DDAH1: variants seen among roughly 807,000 people sequenced by gnomAD.
The protein encoded by DDAH1 is N(G),N(G)-dimethylarginine dimethylaminohydrolase 1.
In DDAH1, 19 loss-of-function variants were observed where a neutral mutation model predicts 28.8. The ratio of observed to expected loss-of-function variants is 0.66; its 90% CI spans 0.46 to 0.97. DDAH1 has a LOEUF of 0.97. DDAH1 is among the 50% of genes least tolerant of loss of function. The pLI is 0.00. For missense variants in DDAH1, 326 were observed against 375.9 expected (o/e 0.87, Z 1.10); for synonymous variants, 153 against 154.4 (o/e 0.99, Z 0.07).
At chr1:85,475,124 T>C (rs1272406493) in intron 2 of DDAH1, among the ~76,000 whole-genome samples, 1 of 152,270 alleles carries the variant, frequency 6.6e-6, no homozygotes, top group Non-Finnish European at 1.5e-5. Context: ...GCTCAAATGC[T>C]GGCTCCACTA....
At chr1:85,343,910 A>G (rs1570404043) in intron 4 of DDAH1, among the ~76,000 whole-genome samples, 1 of 152,206 alleles carries the variant, frequency 6.6e-6, no homozygotes, top group Non-Finnish European at 1.5e-5. Flanking sequence ...AGTGATCTCT[A>G]TTATATAGTT....
chr1:85,374,772 T>C (rs1350399803), intron 1 of DDAH1, among the ~76,000 whole-genome samples: 4 of 152,198 alleles, frequency 2.6e-5, no homozygotes, highest in African/African-American at 4.8e-5. Flanking sequence ...GAACACAGGG[T>C]ACTATTATAA....
chr1:85,331,965 G>A (rs193235204), intron 4 of DDAH1, among the ~76,000 whole-genome samples: 2 of 152,326 alleles, frequency 1.3e-5, no homozygotes, highest in Admixed American at 1.3e-4. Context: ...TCCCTAGTGA[G>A]AGGAAAGGGT....
chr1:85,460,816 C>G (rs1270858219), intron 1 of DDAH1, among the ~76,000 whole-genome samples: 1 of 152,150 alleles, frequency 6.6e-6, no homozygotes, highest in South Asian at 2.1e-4. Flanking sequence ...CACTGCATAT[C>G]CTTTTGTACC....
intron 1 of DDAH1, among the ~76,000 whole-genome samples, chr1:85,429,287 T>TA (rs1399764200): frequency 6.6e-6 from 1 of 152,072 alleles, no homozygotes; most frequent in Non-Finnish European, 1.5e-5. Context: ...GTTCCTGTGT[T>TA]AGTTTGCTGA....
At chr1:85,379,655 C>T in intron 1 of DDAH1, 1 of 985,386 alleles carries the variant, frequency 1.0e-6, no homozygotes, top group African/African-American at 1.7e-5. Context: ...GTTCACTGTT[C>T]TCTTCTTTTC....
chr1:85,488,729 A>G (rs1413419869), intron 2 of DDAH1, among the ~76,000 whole-genome samples: 1 of 152,140 alleles, frequency 6.6e-6, no homozygotes, highest in East Asian at 1.9e-4. Flanking sequence ...TTTTTTGCTA[A>G]TAGGATCTGC....
At chr1:85,572,879 T>C (rs1659500300) in intron 1 of DDAH1, among the ~76,000 whole-genome samples, 1 of 152,274 alleles carries the variant, frequency 6.6e-6, no homozygotes. Context: ...TAGTCACTGG[T>C]GTCTCAGTGC....
intron 1 of DDAH1, among the ~76,000 whole-genome samples, chr1:85,370,136 C>T (rs1336179651): frequency 6.6e-6 from 1 of 152,080 alleles, no homozygotes. Flanking sequence ...AAAATGAGGT[C>T]ATTAGGATGG....
chr1:85,575,025 A>G (rs72726326), intron 1 of DDAH1, among the ~76,000 whole-genome samples: 12,576 of 152,136 alleles, frequency 0.083, 617 homozygotes, highest in Admixed American at 0.11. Context: ...AGATCGCTTG[A>G]GCCCAGGAGT....
At position 85,554,126 on chromosome 1, in the gene DDAH1, C is replaced by T. The variant is rs529943082; in HGVS notation, c.-123+23858G>A. 3.3e-5 allele frequency among the ~76,000 whole-genome samples: 5 copies of T among 152,256 alleles called. No individual in the cohort carries two copies. The South Asian group carries it at 8.3e-4, about 25-fold the overall frequency. On this transcript the variant is annotated intron_variant, in intron 1 of 6. Coordinates refer to the DDAH1 transcript ENST00000426972. ...CTTTTGAGCACTAAATGGAACATTCCTCTTTTCTGAGTTCACAATAGCTTC... is the reference window on the plus strand; with the variant it reads ...CTTTTGAGCACTAAATGGAACATTCTTCTTTTCTGAGTTCACAATAGCTTC...
At chr1:85,457,390 T>C (rs1274411589) in intron 1 of DDAH1, among the ~76,000 whole-genome samples, 1 of 151,958 alleles carries the variant, frequency 6.6e-6, no homozygotes, top group Non-Finnish European at 1.5e-5. Flanking sequence ...TGGGCTGAGG[T>C]CTGTCATAAA....
chr1:85,474,210 C>A (rs1298845997), intron 2 of DDAH1, among the ~76,000 whole-genome samples: 1 of 152,228 alleles, frequency 6.6e-6, no homozygotes, highest in African/African-American at 2.4e-5. Context: ...CACTCTGCTA[C>A]CACTTAGTCC....
intron 1 of DDAH1, among the ~76,000 whole-genome samples, chr1:85,367,703 G>A (rs1469140307): frequency 6.6e-6 from 1 of 152,138 alleles, no homozygotes; most frequent in Non-Finnish European, 1.5e-5. Flanking sequence ...CTGTTGAGAG[G>A]TTCCTGGAGC....
chr1:85,350,338 C>A, intron 4 of DDAH1, 77 bp downstream of exon 4: 1 of 1,551,502 alleles, frequency 6.4e-7, no homozygotes. Flanking sequence ...CTTGTTACTC[C>A]CCCAGCAGAG....
chr1:85,573,744 A>C (rs1570687477), intron 1 of DDAH1, among the ~76,000 whole-genome samples: 1 of 152,384 alleles, frequency 6.6e-6, no homozygotes, highest in East Asian at 1.9e-4. Context: ...ATGAAGTAGA[A>C]AATTTGTAAA....
At chr1:85,470,080 C>G (rs180978015), upstream of DDAH1, among the ~76,000 whole-genome samples, 2 of 152,292 alleles carry the variant, frequency 1.3e-5, no homozygotes, top group Admixed American at 1.3e-4. Flanking sequence ...TTTTCTTACT[C>G]CATTTTAGCA....
chr1:85,419,037 A>C (rs1653012829), intron 1 of DDAH1, among the ~76,000 whole-genome samples: 1 of 152,274 alleles, frequency 6.6e-6, no homozygotes, highest in East Asian at 1.9e-4. Flanking sequence ...TGGACAAATC[A>C]GTTAAGTAGG....
chr1:85,563,997 C>A (rs1659212733), intron 1 of DDAH1, among the ~76,000 whole-genome samples: 1 of 152,122 alleles, frequency 6.6e-6, no homozygotes, highest in East Asian at 1.9e-4. Flanking sequence ...CATGGTGAAA[C>A]CCCGTCTCTA....
Sources: gnomAD v4.1 joint callset for allele counts (sites outside exome capture counted in the v4.1 genomes callset) on GRCh38, gnomAD v4.1.1 for gene constraint, MANE v1.5 for transcripts, NCBI Gene and HGNC (gene_info 2026-07-23, HGNC 2026-07-21) for gene names.